The following AKAP12 variants were observed in gnomAD, a reference collection of about 807,000 sequenced individuals.
AKAP12 encodes the protein A-kinase anchor protein 12.
In AKAP12, 32 loss-of-function variants were observed where a neutral mutation model predicts 79.9. The ratio of observed to expected loss-of-function variants is 0.40; its 90% CI spans 0.30 to 0.54. The LOEUF is 0.54. Among genes scored for constraint, AKAP12 ranks in the 20% least tolerant of loss-of-function variants. AKAP12 has a pLI of 0.48. For synonymous variants in AKAP12, 808 were observed against 857.0 expected, an observed-to-expected ratio of 0.94 and a Z score of 1.00; for missense variants, 2,074 against 2,177.0, an observed-to-expected ratio of 0.95 and a Z score of 0.94.
chr6:151,322,115 G>A (rs1325956935), intron 3 of AKAP12, among the ~76,000 whole-genome samples: 1 of 151,718 alleles, frequency 6.6e-6, no homozygotes, highest in African/African-American at 2.4e-5. Context: ...TCATCATGTT[G>A]GCCAGGCTGG....
In AKAP12 at chr6:151,351,794, C is replaced by T. The variant is rs1249677296; in HGVS notation, c.3403C>T (p.Leu1135Phe). 6.2e-7 allele frequency: 1 copy of T among 1,614,084 alleles called. No individual in the cohort carries two copies. Among genetic ancestry groups the T allele is most frequent in the East Asian group, 2.2e-5 (1 of 44,876 alleles). The stretch of plus-strand genomic sequence containing the variant: ...CACAGAGAGCATAGAGTCCAGTGAG[C>T]TTGTAACCACTTGTCAAGCCGAAAC... ...QVTESIESSE[L>F]VTTCQAETLA... Residue 1135 changes from leucine (L) to phenylalanine (F), a missense_variant, in exon 4 of 5, where the codon CTT (leucine) becomes TTT (phenylalanine). Leu to Phe is a conservative substitution (Grantham distance 22, BLOSUM62 0). Around this residue, in one of 3 missense-constraint regions of AKAP12, gnomAD observed 1,428 missense variants for 1,451.0 expected, o/e 0.98. Transcript: ENST00000402676. This position sits in a 1 kb window ranked among gnomAD's most constrained non-coding sequence, Gnocchi z 4.4.
At chr6:151,328,795 T>C (rs1015933301) in intron 3 of AKAP12, among the ~76,000 whole-genome samples, 5 of 152,164 alleles carry the variant, frequency 3.3e-5, no homozygotes, top group Admixed American at 6.6e-5. Context: ...TTACAATTCA[T>C]TAACAGGACT....
intron 2 of AKAP12, among the ~76,000 whole-genome samples, chr6:151,270,538 T>C (rs1377152232): frequency 1.3e-5 from 2 of 152,256 alleles, no homozygotes; most frequent in African/African-American, 4.8e-5. Context: ...TTCATTTCTC[T>C]TGGGTATTTA....
At position 151,351,944 on chromosome 6, in the gene AKAP12, A is replaced by C. The variant is rs1778305176; in HGVS notation, c.3553A>C (p.Thr1185Pro). Residue 1185 changes from threonine (T) to proline (P), a missense_variant, in exon 4 of 5, where the codon ACA (threonine) becomes CCA (proline). This residue lies in a region of AKAP12 where 32 missense variants were observed against 60.4 expected (regional missense o/e 0.53). Coordinates refer to ENST00000402676, the MANE Select transcript of AKAP12 (RefSeq NM_005100.4). This position sits in a 1 kb window ranked among gnomAD's most constrained non-coding sequence, Gnocchi z 4.4. ...CGTAGCCGACTTTGACGCACCAGGC[A>C]CAACCCAGAAAGACGAGATTGTGGA... ...TPVADFDAPG[T>P]TQKDEIVEIH... 6.2e-7 allele frequency: 1 copy of C among 1,614,092 alleles called. No homozygotes were observed. The highest frequency in any genetic ancestry group is 8.5e-7 in the Non-Finnish European group (1 of 1,180,054).
chr6:151,327,466 GCAAA>G (rs1777558328), intron 3 of AKAP12, among the ~76,000 whole-genome samples: 2 of 152,102 alleles, frequency 1.3e-5, no homozygotes, highest in African/African-American at 4.8e-5. Flanking sequence ...AATGAAATAT[GCAAA>G]TGTGTATTGT....
chr6:151,260,671 C>T (rs1489496097), intron 2 of AKAP12, among the ~76,000 whole-genome samples: 2 of 152,158 alleles, frequency 1.3e-5, no homozygotes, highest in African/African-American at 2.4e-5. Flanking sequence ...GCAGATCGTA[C>T]GTCTGAAACG....
rs1777492584 is a variant in AKAP12 at position 151,325,177 on chromosome 6, CG to C, written c.319+19275del. The C allele has an allele frequency of 4.1e-6, 4 of 985,214 alleles. No individual in the cohort carries two copies. The African/African-American group carries it at 7.0e-5, about 17-fold the overall frequency. 61.0% of individuals were successfully genotyped at this position (985,214 alleles called of 1,614,324 possible). On this transcript the variant is annotated intron_variant, in intron 3 of 4. Transcript: ENST00000402676. ...CAGAGCAGTGCAACGTGTGTGTATG[CG>C]TAAGACACAGATGGTGAAAATATCA...
chr6:151,247,475 A>C (rs1797097463), intron 2 of AKAP12, among the ~76,000 whole-genome samples: 1 of 152,204 alleles, frequency 6.6e-6, no homozygotes, highest in Non-Finnish European at 1.5e-5. Flanking sequence ...GGAAAAAAGC[A>C]AGTTCAAGAA....
intron 2 of AKAP12, among the ~76,000 whole-genome samples, chr6:151,243,486 T>C (rs1797016006): frequency 6.6e-6 from 1 of 152,240 alleles, no homozygotes; most frequent in East Asian, 1.9e-4. Context: ...TCACTTGTAT[T>C]AGGTCAAATG....
At chr6:151,284,988 A>G (rs9383877) in intron 2 of AKAP12, among the ~76,000 whole-genome samples, 69,735 of 152,076 alleles carry the variant, frequency 0.46, 17,056 homozygotes, top group East Asian at 0.78. Flanking sequence ...CAACAAAGAG[A>G]ATGAAATGCA....
chr6:151,351,582 A>T lies in AKAP12; in HGVS notation c.3191A>T (p.Asp1064Val). ...SQLPGTGGPE[D>V]VLQPVQRAEA... is the part of the protein sequence containing the mutation. ...CTGCCTGGCACCGGTGGGCCAGAAG[A>T]TGTGCTTCAGCCTGTGCAGAGAGCA... Residue 1064 changes from aspartate (D) to valine (V), a missense_variant, in exon 4 of 5, where the codon GAT becomes GTT. Physicochemically the swap from Asp to Val is radical, Grantham distance 152. Coordinates refer to ENST00000402676, the MANE Select transcript of AKAP12 (RefSeq NM_005100.4). This position sits in a 1 kb window ranked among gnomAD's most constrained non-coding sequence, Gnocchi z 4.4. 6.2e-7 allele frequency: 1 copy of T among 1,614,140 alleles called. No individual in the cohort carries two copies. The highest frequency in any genetic ancestry group is 1.3e-5 in the African/African-American group (1 of 75,066).
rs1562743226 is a variant in AKAP12, at chr6:151,332,037, T to TTTTGTTTTTG, written c.320-16671_320-16670insGTTTTTGTTT. On this transcript the variant is annotated intron_variant, in intron 3 of 4. Coordinates refer to ENST00000402676, the MANE Select transcript of AKAP12 (RefSeq NM_005100.4). ...AGCACGTCCAGTTCTGGGTCTGTTT[T>TTTTGTTTTTG]TTTTTTTTTTTTTTTTTGAGACAGT... Among the ~76,000 whole-genome samples, 21 of 141,338 alleles carry TTTTGTTTTTG rather than the reference T, an allele frequency of 1.5e-4. 1 individual carries two copies. The highest frequency in any genetic ancestry group is 8.5e-4 in the Admixed American group (12 of 14,196). 92.7% of individuals were successfully genotyped at this position (141,338 alleles called of 152,430 possible). A position where few individuals can be genotyped will look rare whatever the true frequency, so the allele number is the denominator to read the frequency against.
intron 2 of AKAP12, among the ~76,000 whole-genome samples, chr6:151,289,941 TAA>T (rs1435578589): frequency 1.3e-5 from 2 of 152,196 alleles, no homozygotes; most frequent in Admixed American, 6.5e-5. Flanking sequence ...CCTCCTTGGG[TAA>T]CATGATGACT....
At chr6:151,277,605 A>C (rs996573483) in intron 2 of AKAP12, among the ~76,000 whole-genome samples, 1 of 152,236 alleles carries the variant, frequency 6.6e-6, no homozygotes, top group Non-Finnish European at 1.5e-5. Flanking sequence ...TAGGGCTTAC[A>C]AAATGATCAG....
At chr6:151,319,539 TAGATATAG>T (rs1264400205) in intron 3 of AKAP12, 4 of 78,026 alleles carry the variant, frequency 5.1e-5, no homozygotes, top group African/African-American at 2.9e-4. Flanking sequence ...TATATATATA[TAGATATAG>T]ATATATATAT....
intron 3 of AKAP12, among the ~76,000 whole-genome samples, chr6:151,316,242 C>T (rs1476923949): frequency 1.3e-5 from 2 of 152,142 alleles, no homozygotes; most frequent in African/African-American, 2.4e-5. Flanking sequence ...AGTTTTCCTC[C>T]GACCTCTAGT....
In AKAP12 at chr6:151,327,489, A is replaced by G. The variant is rs73780625; in HGVS notation, c.320-21222A>G. ...ATGCAAATGTGTATTGTAGGGAGTC[A>G]CAGCTGGGGTGGTGCTTCTGAGATC... On this transcript the variant is annotated intron_variant, in intron 3 of 4. Coordinates refer to ENST00000402676, the MANE Select transcript of AKAP12 (RefSeq NM_005100.4). 9.8e-3 allele frequency among the ~76,000 whole-genome samples: 1,500 copies of G among 152,308 alleles called. 23 individuals carry two copies. Among genetic ancestry groups the G allele is most frequent in the African/African-American group, 0.035 (1,441 of 41,566 alleles).
chr6:151,337,055 T>C (rs1777832177), intron 3 of AKAP12, among the ~76,000 whole-genome samples: 1 of 152,180 alleles, frequency 6.6e-6, no homozygotes, highest in African/African-American at 2.4e-5. Flanking sequence ...AATACGTAGA[T>C]AAAATTTATA....
At chr6:151,315,850 C>G (rs537769256) in intron 3 of AKAP12, among the ~76,000 whole-genome samples, 5 of 152,210 alleles carry the variant, frequency 3.3e-5, no homozygotes, top group Non-Finnish European at 5.9e-5. Context: ...CATCCTTCTT[C>G]ACATGGCAGC....
Sources: allele counts gnomAD v4.1 joint callset (sites outside exome capture counted in the v4.1 genomes callset), GRCh38; gene constraint gnomAD v4.1.1; regional missense constraint gnomAD v4.1.1; non-coding constraint Gnocchi (gnomAD v3.1); transcripts MANE v1.5; gene names NCBI Gene and HGNC (gene_info 2026-07-23, HGNC 2026-07-21).